GALC: variants seen among roughly 807,000 people sequenced by gnomAD.
The protein encoded by GALC is galactocerebrosidase.
Under a neutral mutation model 91.8 loss-of-function variants are expected in GALC, and 77 were observed. The ratio of observed to expected loss-of-function variants is 0.84; its 90% CI spans 0.70 to 1.01. The LOEUF (loss-of-function observed/expected upper bound fraction) is 1.01. GALC is among the 50% of genes least tolerant of loss of function. The pLI, the probability that GALC is intolerant of heterozygous loss-of-function variation, is 0.00. For synonymous variants in GALC, 357 were observed against 306.7 expected (o/e 1.16, Z -1.71); for missense variants, 882 against 855.9 (o/e 1.03, Z -0.38).
rs1886149434 is a variant in GALC at position 87,968,502 on chromosome 14, A to C, written c.753-12T>G. 3 of 1,613,560 alleles carry C rather than the reference A, an allele frequency of 1.9e-6. No homozygotes were observed. The highest frequency in any genetic ancestry group is 2.7e-5 in the African/African-American group (2 of 74,918). ...CAGGATAATGAGCCCTAGAAAAAAA[A>C]AGGGTGGAAGTCAATGAAAAAAGGT... On this transcript the variant is annotated splice_polypyrimidine_tract_variant and intron_variant, in intron 7 of 16. Transcript: ENST00000261304.
At chr14:87,954,867 T>G in intron 10 of GALC, 1 of 1,603,798 alleles carries the variant, frequency 6.2e-7, no homozygotes, top group East Asian at 2.2e-5. Flanking sequence ...TGCCATTTAC[T>G]ATGAAGAAAA....
At chr14:87,984,358 T>C in intron 5 of GALC, 36 bp downstream of exon 5, 2 of 1,581,694 alleles carry the variant, frequency 1.3e-6, no homozygotes, top group Non-Finnish European at 1.7e-6. Context: ...CAAACAAATG[T>C]CCAAAACTGA....
At chr14:87,992,250 A>G in intron 1 of GALC, 1 of 1,520,950 alleles carries the variant, frequency 6.6e-7, no homozygotes, top group Non-Finnish European at 8.8e-7. Flanking sequence ...TTCAAGAAAC[A>G]TTAGCCCTAG....
At chr14:87,986,422 A>G in intron 4 of GALC, 67 bp downstream of exon 4, 1 of 982,768 alleles carries the variant, frequency 1.0e-6, no homozygotes, top group Non-Finnish European at 1.6e-6. Context: ...GATTCCACCA[A>G]CACGATTCAG....
intron 12 of GALC, 43 bp from the exon 13 acceptor site, chr14:87,947,921 G>C: frequency 6.3e-7 from 1 of 1,575,692 alleles, no homozygotes; most frequent in Non-Finnish European, 8.7e-7. Flanking sequence ...AGGTACTATA[G>C]CTCATCTCAT....
upstream of GALC, chr14:87,993,649 G>C: frequency 1.6e-6 from 1 of 619,576 alleles, no homozygotes; most frequent in Non-Finnish European, 2.8e-6. Context: ...GGGACTGAGA[G>C]AAAAGTTAAT....
intron 10 of GALC, among the ~76,000 whole-genome samples, chr14:87,962,266 G>A (rs949150493): frequency 6.6e-6 from 1 of 152,090 alleles, no homozygotes. Flanking sequence ...CCTTGGGAGT[G>A]GTTCTAGGTC....
intron 10 of GALC, among the ~76,000 whole-genome samples, chr14:87,962,977 T>G (rs1311982881): frequency 6.6e-6 from 1 of 152,062 alleles, no homozygotes; most frequent in Non-Finnish European, 1.5e-5. Context: ...CTCAAGCCCC[T>G]CAATCACTTG....
intron 16 of GALC, among the ~76,000 whole-genome samples, chr14:87,936,588 A>AGG (rs1884577502): frequency 6.6e-6 from 1 of 151,934 alleles, no homozygotes; most frequent in African/African-American, 2.4e-5. Flanking sequence ...ATATGCTCTA[A>AGG]GAGAGCAGGA....
intron 12 of GALC, among the ~76,000 whole-genome samples, chr14:87,948,651 T>C (rs1885173888): frequency 6.7e-6 from 1 of 148,422 alleles, no homozygotes; most frequent in African/African-American, 2.5e-5. Flanking sequence ...CTTGTTTTAA[T>C]GGTAAATTGA....
Position 87,988,518 on chromosome 14 carries a change from G to T in GALC, c.201C>A (p.Thr67=). Residue 67 remains threonine (T), a synonymous_variant, in exon 2 of 17, where the codon ACC becomes ACA. Transcript: ENST00000261304. ...CTGGGTAATTTACTAGAAGTCGGGA[G>T]GTTGCCTAAAAAAAAAAGTTTTCAA... ...GIGAVSGGGA[T]SRLLVNYPEP... 1 of 1,610,674 alleles carries T rather than the reference G, an allele frequency of 6.2e-7. No individual in the cohort carries two copies. The highest frequency in any genetic ancestry group is 8.5e-7 in the Non-Finnish European group (1 of 1,177,034).
At chr14:87,983,167 G>A (rs75219395) in intron 5 of GALC, among the ~76,000 whole-genome samples, 1,521 of 151,962 alleles carry the variant, frequency 0.01, 24 homozygotes, top group African/African-American at 0.035. Flanking sequence ...GTGAAACCCC[G>A]TCTCTAATAA....
rs1423431301 is a variant in GALC at position 87,963,527 on chromosome 14, A to G, written c.1034-16T>C. 7 of 1,610,000 alleles carry G rather than the reference A, an allele frequency of 4.3e-6. No individual in the cohort carries two copies. The highest frequency in any genetic ancestry group is 5.9e-6 in the Non-Finnish European group (7 of 1,176,800). On this transcript the variant is annotated splice_polypyrimidine_tract_variant and intron_variant, in intron 9 of 16. Coordinates refer to ENST00000261304, the MANE Select transcript of GALC (RefSeq NM_000153.4). Reference sequence around the variant, plus strand: ...GTGGTATGAGCTATAGAAAAACAGAAAGTTCCAAATAAGACAAAAATGGTA... The same window carrying G: ...GTGGTATGAGCTATAGAAAAACAGAGAGTTCCAAATAAGACAAAAATGGTA...
chr14:87,983,620 T>C (rs1365685501), intron 5 of GALC, among the ~76,000 whole-genome samples: 1 of 152,226 alleles, frequency 6.6e-6, no homozygotes, highest in African/African-American at 2.4e-5. Context: ...TGTTTAAGTA[T>C]TAGTTTTAAC....
In GALC at chr14:87,934,742, G is replaced by C; in HGVS notation, c.2048C>G (p.Ala683Gly). 6.2e-7 allele frequency: 1 copy of C among 1,613,192 alleles called. No individual in the cohort carries two copies. The highest frequency in any genetic ancestry group is 8.5e-7 in the Non-Finnish European group (1 of 1,179,412). The part of the protein sequence containing the change: ...FAQFDNFLVE[A>G]TR Reference sequence around the variant, plus strand: ...ATGCCCTGTTAAGTATTAGCGTGTGGCTTCCACAAGAAAGTTGTCAAACTG... The same window carrying C: ...ATGCCCTGTTAAGTATTAGCGTGTGCCTTCCACAAGAAAGTTGTCAAACTG... The change falls in exon 17 of 17, where the codon GCC (alanine) becomes GGC (glycine). Residue 683 changes from alanine (A) to glycine (G), a missense_variant. Physicochemically the swap from Ala to Gly is moderately conservative, Grantham distance 60. Coordinates refer to ENST00000261304, the MANE Select transcript of GALC (RefSeq NM_000153.4).
chr14:87,941,305 C>G, intron 15 of GALC, 90 bp downstream of exon 15: 1 of 857,754 alleles, frequency 1.2e-6, no homozygotes, highest in Non-Finnish European at 1.9e-6. Flanking sequence ...GGGTTGAATT[C>G]TTTTTATCAC....
intron 14 of GALC, among the ~76,000 whole-genome samples, chr14:87,941,994 A>G (rs366323): frequency 0.96 from 145,441 of 151,948 alleles, 69,901 homozygotes; most frequent in Non-Finnish European, 1. Context: ...GGAGCCTTTG[A>G]GAGAACACAA....
intron 10 of GALC, among the ~76,000 whole-genome samples, chr14:87,951,785 G>T (rs1356034344): frequency 6.6e-6 from 1 of 151,888 alleles, no homozygotes; most frequent in African/African-American, 2.4e-5. Context: ...TCAGCTTTAT[G>T]AAAATGAAAA....
intron 12 of GALC, among the ~76,000 whole-genome samples, chr14:87,948,271 CACT>C (rs1369252694): frequency 6.6e-6 from 1 of 151,954 alleles, no homozygotes; most frequent in Non-Finnish European, 1.5e-5. Context: ...CATAAAATAT[CACT>C]GTCGACCCAG....
Sources: allele counts gnomAD v4.1 joint callset (sites outside exome capture counted in the v4.1 genomes callset), GRCh38; gene constraint gnomAD v4.1.1; transcripts MANE v1.5; gene names NCBI Gene and HGNC (gene_info 2026-07-23, HGNC 2026-07-21).